TFEC: variants seen among roughly 807,000 people sequenced by gnomAD.
TFEC encodes transcription factor EC.
A neutral mutation model predicts 41.6 loss-of-function variants in TFEC; 31 were observed. That is an observed-to-expected ratio of 0.74 (90% CI 0.56 to 1.01). The LOEUF (loss-of-function observed/expected upper bound fraction) is 1.01, where lower values mean the gene tolerates loss of function less well. Ranked by LOEUF, TFEC falls within the 50% of genes least tolerant of loss-of-function variation. The pLI is 0.00. For synonymous variants in TFEC, 143 were observed against 140.6 expected (o/e 1.02, Z -0.12); for missense variants, 402 against 404.1 (o/e 0.99, Z 0.04).
chr7:116,024,729 C>A (rs1002274142), intron 1 of TFEC, among the ~76,000 whole-genome samples: 21 of 152,276 alleles, frequency 1.4e-4, no homozygotes, highest in Non-Finnish European at 2.8e-4. Flanking sequence ...TCACTTTTAT[C>A]CCCCTGTTAA....
chr7:116,096,888 G>A (rs114252395), intron 3 of TFEC, among the ~76,000 whole-genome samples: 123 of 152,110 alleles, frequency 8.1e-4, no homozygotes, highest in African/African-American at 2.5e-3. Flanking sequence ...TCAGGAAATC[G>A]AGAACATCCT....
chr7:115,992,643 G>C (rs1344807690), intron 1 of TFEC, among the ~76,000 whole-genome samples: 1 of 152,250 alleles, frequency 6.6e-6, no homozygotes, highest in East Asian at 1.9e-4. Flanking sequence ...AACCTCCCAA[G>C]ACTAAACCAG....
intron 1 of TFEC, among the ~76,000 whole-genome samples, chr7:116,118,963 T>C (rs920553427): frequency 4.0e-5 from 6 of 151,846 alleles, no homozygotes; most frequent in Non-Finnish European, 2.9e-5. Context: ...TACAAAAAAC[T>C]TTCAATGACA....
chr7:116,034,991 T>C (rs570213630), upstream of TFEC, among the ~76,000 whole-genome samples: 5 of 151,648 alleles, frequency 3.3e-5, no homozygotes, highest in Non-Finnish European at 5.9e-5. Context: ...CTACTCTGCT[T>C]GTCCTTTTTT....
intron 3 of TFEC, among the ~76,000 whole-genome samples, chr7:116,084,733 GT>G (rs1797164470): frequency 6.6e-6 from 1 of 151,710 alleles, no homozygotes; most frequent in South Asian, 2.1e-4. Flanking sequence ...ATTTTTCTAT[GT>G]TTTTCAAAAT....
chr7:115,937,191 T>C lies in TFEC; in HGVS notation c.*3360A>G, dbSNP rs973354057. Reference sequence around the variant, plus strand: ...AATGAAAAACAATAAAATTATTGTATCTTACTTTAAAGGAAGTTTTATTAT... The same window carrying C: ...AATGAAAAACAATAAAATTATTGTACCTTACTTTAAAGGAAGTTTTATTAT... On this transcript the variant is annotated 3_prime_UTR_variant, in exon 8 of 8. Coordinates refer to ENST00000265440, the MANE Select transcript of TFEC (RefSeq NM_012252.4). The C allele has an allele frequency of 6.6e-6, 1 of 151,666 alleles. No homozygotes were observed. The highest frequency in any genetic ancestry group is 2.4e-5 in the African/African-American group (1 of 41,394). 9.4% of individuals were successfully genotyped at this position (151,666 alleles called of 1,614,324 possible).
At chr7:115,996,130 AT>A (rs1235318145) in intron 1 of TFEC, among the ~76,000 whole-genome samples, 1 of 152,092 alleles carries the variant, frequency 6.6e-6, no homozygotes, top group Non-Finnish European at 1.5e-5. Flanking sequence ...TGTGCCACCT[AT>A]CCCCCAACCT....
intron 6 of TFEC, among the ~76,000 whole-genome samples, chr7:115,948,368 T>C (rs1173501886): frequency 3.3e-5 from 5 of 152,040 alleles, no homozygotes; most frequent in Non-Finnish European, 7.4e-5. Context: ...ATCATCCTGA[T>C]ACCAAAGCCG....
At chr7:116,133,989 A>G (rs1215873757) in intron 1 of TFEC, among the ~76,000 whole-genome samples, 1 of 152,194 alleles carries the variant, frequency 6.6e-6, no homozygotes, top group Non-Finnish European at 1.5e-5. Flanking sequence ...ACTGACAGAA[A>G]AAGCTGGCAA....
In TFEC at chr7:115,937,286, T is replaced by A. The variant is rs552702926; in HGVS notation, c.*3265A>T. The stretch of plus-strand genomic sequence containing the variant: ...TATATTAATTGAATGAATAAATCAA[T>A]AATTATGCATTAATAGTCCCATTAC... On this transcript the variant is annotated 3_prime_UTR_variant, in exon 8 of 8. Transcript: ENST00000265440. 9 of 151,906 alleles carry A rather than the reference T, an allele frequency of 5.9e-5. No individual in the cohort carries two copies. The highest frequency in any genetic ancestry group is 1.9e-4 in the African/African-American group (8 of 41,538). 9.4% of individuals were successfully genotyped at this position (151,906 alleles called of 1,614,324 possible). A position where few individuals can be genotyped will look rare whatever the true frequency, so the allele number is the denominator to read the frequency against.
chr7:116,139,977 A>C (rs1178046719), intron 1 of TFEC, among the ~76,000 whole-genome samples: 1 of 152,236 alleles, frequency 6.6e-6, no homozygotes, highest in African/African-American at 2.4e-5. Flanking sequence ...TCCAAGGATA[A>C]ACAAAGCAAA....
intron 3 of TFEC, among the ~76,000 whole-genome samples, chr7:116,109,935 A>G (rs1045942348): frequency 6.6e-6 from 1 of 152,200 alleles, no homozygotes; most frequent in Admixed American, 6.5e-5. Flanking sequence ...AGGGACATGG[A>G]TGAAGCTGGA....
chr7:116,047,120 T>A (rs1796184460), intron 3 of TFEC, among the ~76,000 whole-genome samples: 1 of 152,102 alleles, frequency 6.6e-6, no homozygotes, highest in Admixed American at 6.5e-5. Flanking sequence ...GGCAGCTGAT[T>A]TCTGCATTTC....
chr7:115,970,860 G>A (rs1422685237), intron 3 of TFEC, among the ~76,000 whole-genome samples: 1 of 151,826 alleles, frequency 6.6e-6, no homozygotes, highest in African/African-American at 2.4e-5. Context: ...AGATACCAGG[G>A]TAATGCTTCA....
At chr7:116,030,543 A>G (rs903680018) in intron 1 of TFEC, 90 bp downstream of exon 1, 74 of 779,930 alleles carry the variant, frequency 9.5e-5, no homozygotes, top group Non-Finnish European at 1.1e-4. Context: ...TAAGCAAGCC[A>G]CACATATCAA....
chr7:115,982,695 C>A (rs1451507693), intron 2 of TFEC, among the ~76,000 whole-genome samples: 2 of 152,082 alleles, frequency 1.3e-5, no homozygotes, highest in Non-Finnish European at 2.9e-5. Context: ...GTTCACATTG[C>A]CCCAAGGCCA....
chr7:116,001,794 C>T (rs1794607242), intron 1 of TFEC, among the ~76,000 whole-genome samples: 1 of 151,818 alleles, frequency 6.6e-6, no homozygotes, highest in Non-Finnish European at 1.5e-5. Flanking sequence ...CTCAAACACT[C>T]TATAGAAAAA....
At chr7:116,039,608 A>G (rs1418917033) in intron 3 of TFEC, among the ~76,000 whole-genome samples, 1 of 152,058 alleles carries the variant, frequency 6.6e-6, no homozygotes, top group Non-Finnish European at 1.5e-5. Context: ...AAGCAAACAG[A>G]AAGTTTTCTC....
At chr7:116,057,779 G>C (rs1205438794) in intron 3 of TFEC, among the ~76,000 whole-genome samples, 2 of 151,842 alleles carry the variant, frequency 1.3e-5, no homozygotes, top group Middle Eastern at 3.4e-3. Flanking sequence ...GTACACAATT[G>C]CAAGTTCTTA....
Sources: gnomAD v4.1 joint callset for allele counts (sites outside exome capture counted in the v4.1 genomes callset) on GRCh38, gnomAD v4.1.1 for gene constraint, MANE v1.5 for transcripts, NCBI Gene and HGNC (gene_info 2026-07-23, HGNC 2026-07-21) for gene names.